Variants in ATP7A observed in about 807,000 individuals in gnomAD.
ATP7A encodes the protein copper-transporting ATPase 1.
In ATP7A, 7 loss-of-function variants were observed where a neutral mutation model predicts 83.5. The ratio of observed to expected loss-of-function variants is 0.08; its 90% CI spans 0.05 to 0.16. The LOEUF (loss-of-function observed/expected upper bound fraction) is 0.16. Ranked by LOEUF, ATP7A falls within the 10% of genes least tolerant of loss-of-function variation. The probability of loss-of-function intolerance (pLI) is 1.00; values close to 1 mark genes in which losing one functional copy is unlikely to be tolerated. For missense variants in ATP7A, 940 were observed against 1,120.8 expected, an observed-to-expected ratio of 0.84 and a Z score of 2.30; for synonymous variants, 354 against 395.2, an observed-to-expected ratio of 0.90 and a Z score of 1.24.
At position 78,002,144 on chromosome X, in the gene ATP7A, A is replaced by T. The variant is rs182434370; in HGVS notation, c.1544-929A>T. Among the ~76,000 whole-genome samples, 371 of 108,468 alleles carry T rather than the reference A, an allele frequency of 3.4e-3. 1 individual carries two copies. Among genetic ancestry groups the T allele is most frequent in the African/African-American group, 0.012 (350 of 29,794 alleles). The allele number at this position is 108,468 out of a possible 115,157, so 94.2% of individuals were successfully genotyped here. A position where few individuals can be genotyped will look rare whatever the true frequency, so the allele number is the denominator to read the frequency against. ...CATTGCAGTGGCATGAACACTGCTT[A>T]CTGCAGCCTCCACCTCCCAGGGTCA... On this transcript the variant is annotated intron_variant, in intron 5 of 22. Coordinates refer to ENST00000341514, the MANE Select transcript of ATP7A (RefSeq NM_000052.7).
chrX:77,927,812 T>C (rs1327284408), intron 1 of ATP7A, among the ~76,000 whole-genome samples: 1 of 110,696 alleles, frequency 9.0e-6, no homozygotes, highest in South Asian at 3.9e-4. Context: ...CGGTGTGTGA[T>C]GTTCCCCTTC....
At chrX:77,956,726 C>CCTTCCTTTCTTTCTTTCTTT (rs1557227392) in intron 1 of ATP7A, among the ~76,000 whole-genome samples, 5 of 73,779 alleles carry the variant, frequency 6.8e-5, no homozygotes, top group South Asian at 7.6e-4. Context: ...TACCCAGTCT[C>CCTTCCTTTCTTTCTTTCTTT]CTTTCTTTCT....
chrX:77,948,436 T>C (rs924393550), intron 1 of ATP7A, among the ~76,000 whole-genome samples: 1 of 112,124 alleles, frequency 8.9e-6, no homozygotes, highest in Non-Finnish European at 1.9e-5. Flanking sequence ...AAAAAGTCTT[T>C]TAAAAAAGTG....
At chrX:77,916,749 C>G (rs916063309) in intron 1 of ATP7A, among the ~76,000 whole-genome samples, 14 of 111,772 alleles carry the variant, frequency 1.3e-4, no homozygotes, top group African/African-American at 4.5e-4. Context: ...AGCATGTCAG[C>G]ACTTTGATTA....
chrX:77,931,619 C>A (rs868951836), intron 1 of ATP7A, among the ~76,000 whole-genome samples: 1 of 108,930 alleles, frequency 9.2e-6, no homozygotes, highest in Non-Finnish European at 1.9e-5. Flanking sequence ...ACCTCCCGGA[C>A]GGGGCGGCTG....
intron 16 of ATP7A, 121 bp from the exon 17 acceptor site, chrX:78,033,484 T>C (rs2077994863): frequency 3.0e-6 from 2 of 657,427 alleles, no homozygotes; most frequent in African/African-American, 4.4e-5. Flanking sequence ...CACTGTCAAG[T>C]AGGCAATATG....
At position 77,989,860 on chromosome X, in the gene ATP7A, C is replaced by G. The variant is rs2077659809; in HGVS notation, c.1238C>G (p.Ala413Gly). 2 of 1,210,158 alleles carry G rather than the reference C, an allele frequency of 1.7e-6. No individual in the cohort carries two copies. The highest frequency in any genetic ancestry group is 2.2e-6 in the Non-Finnish European group (2 of 894,381). ...GTAAAATCCATACGAGTCTCCCTTGCAAATAGCAATGGGACTGTTGAGTAT... is the reference window on the plus strand; with the variant it reads ...GTAAAATCCATACGAGTCTCCCTTGGAAATAGCAATGGGACTGTTGAGTAT... Reference protein sequence around the residue: ...PGVKSIRVSLANSNGTVEYDP... With the variant: ...PGVKSIRVSLGNSNGTVEYDP... The change falls in exon 4 of 23, where the codon GCA (alanine) becomes GGA (glycine). Residue 413 changes from alanine (A) to glycine (G), a missense_variant. Transcript: ENST00000341514.
intron 1 of ATP7A, among the ~76,000 whole-genome samples, chrX:77,939,889 C>T (rs1188130362): frequency 4.0e-5 from 4 of 100,118 alleles, no homozygotes; most frequent in African/African-American, 1.5e-4. Context: ...TTGGGGGGGA[C>T]CCCCCAAAAA....
rs1189381967 is a variant in ATP7A, at chrX:78,046,436, G to T, written c.4369G>T (p.Val1457Phe). The change falls in exon 23 of 23, where the codon GTT (valine) becomes TTT (phenylalanine). Residue 1457 changes from valine (V) to phenylalanine (F), a missense_variant. Val to Phe is a conservative substitution (Grantham distance 50). This residue lies in a region of ATP7A where 386 missense variants were observed against 502.2 expected (regional missense o/e 0.77). Coordinates refer to ENST00000341514, the MANE Select transcript of ATP7A (RefSeq NM_000052.7). ...SPKLGLLDRI[V>F]NYSRASINSL... is the part of the protein sequence containing the mutation. Reference sequence around the variant, plus strand: ...TAAACTGGGTTTGCTGGACCGGATTGTTAATTATAGCAGAGCCTCTATAAA... The same window carrying T: ...TAAACTGGGTTTGCTGGACCGGATTTTTAATTATAGCAGAGCCTCTATAAA... 19 of 1,209,553 alleles carry T rather than the reference G, an allele frequency of 1.6e-5. No individual in the cohort carries two copies. Among genetic ancestry groups the T allele is most frequent in the Non-Finnish European group, 2.0e-5 (18 of 895,131 alleles).
chrX:78,023,780 G>T (rs2077923698), intron 14 of ATP7A, among the ~76,000 whole-genome samples: 1 of 111,432 alleles, frequency 9.0e-6, no homozygotes, highest in Non-Finnish European at 1.9e-5. Context: ...TTCTTTTGTT[G>T]TGCAGAAGCT....
intron 2 of ATP7A, among the ~76,000 whole-genome samples, chrX:77,984,868 A>G (rs1369540724): frequency 1.8e-5 from 2 of 112,500 alleles, no homozygotes; most frequent in African/African-American, 6.5e-5. Flanking sequence ...AATAGAATTT[A>G]CTAAAGGAAG....
At chrX:77,950,645 A>G (rs1454440730) in intron 1 of ATP7A, among the ~76,000 whole-genome samples, 1 of 111,365 alleles carries the variant, frequency 9.0e-6, no homozygotes, top group Non-Finnish European at 1.9e-5. Flanking sequence ...CTTCATGTGT[A>G]TTGGCATTTT....
In ATP7A at chrX:78,043,010, TGAA is replaced by T. The variant is rs559515480; in HGVS notation, c.4005+231_4005+233del. Among the ~76,000 whole-genome samples, 8 of 112,196 alleles carry T rather than the reference TGAA, an allele frequency of 7.1e-5. No individual in the cohort carries two copies. The South Asian group carries it at 2.6e-3, about 36-fold the overall frequency. The stretch of plus-strand genomic sequence containing the variant: ...AAGTGAGAATTATAAGTTTCTGAAG[TGAA>T]GAAGAAGATTTAAGAATGGATTCGG... On this transcript the variant is annotated intron_variant, in intron 20 of 22. Coordinates refer to ENST00000341514, the MANE Select transcript of ATP7A (RefSeq NM_000052.7).
intron 17 of ATP7A, among the ~76,000 whole-genome samples, chrX:78,034,518 C>T (rs1557237528): frequency 9.0e-6 from 1 of 111,075 alleles, no homozygotes; most frequent in East Asian, 2.8e-4. Flanking sequence ...ACAGTCATGC[C>T]TCAGTTCATT....
In ATP7A at chrX:78,040,641, G is replaced by C. The variant is rs781901568; in HGVS notation, c.3709G>C (p.Glu1237Gln). The C allele has an allele frequency of 8.3e-7, 1 of 1,209,601 alleles. No homozygotes were observed. Among genetic ancestry groups the C allele is most frequent in the African/African-American group, 1.7e-5 (1 of 57,284 alleles). The change falls in exon 19 of 23, where the codon GAA becomes CAA. Residue 1237 changes from glutamate (E) to glutamine (Q), a missense_variant. Physicochemically the swap from Glu to Gln is conservative, Grantham distance 29 (BLOSUM62 2). This residue lies in a region of ATP7A where 386 missense variants were observed against 502.2 expected (regional missense o/e 0.77). Coordinates refer to ENST00000341514, the MANE Select transcript of ATP7A (RefSeq NM_000052.7). The part of the protein sequence containing the change: ...AIADTVKPEA[E>Q]LAIHILKSMG... ...TGCAGACACAGTGAAGCCTGAAGCA[G>C]AACTGGCTATCCATATTCTGAAATC...
chrX:77,993,508 A>G (rs782276906), intron 4 of ATP7A, among the ~76,000 whole-genome samples: 91 of 112,301 alleles, frequency 8.1e-4, no homozygotes, highest in Admixed American at 1.7e-3. Flanking sequence ...TCTAAATTAA[A>G]TCTACATTAA....
rs1374099672 is a variant in ATP7A at position 78,038,916 on chromosome X, G to A, written c.3592G>A (p.Asp1198Asn). The A allele has an allele frequency of 4.1e-5, 49 of 1,208,939 alleles. No homozygotes were observed. Among genetic ancestry groups the A allele is most frequent in the Non-Finnish European group, 4.8e-5 (43 of 894,116 alleles). Reference protein sequence around the residue: ...MIRNGLVINNDVNDFMTEHER... With the variant: ...MIRNGLVINNNVNDFMTEHER... ...TAGAAATGGTCTTGTCATTAATAAC[G>A]ATGTAAATGATTTCATGACTGAACA... Residue 1198 changes from aspartate (D) to asparagine (N), a missense_variant, in exon 18 of 23, where the codon GAT (aspartate) becomes AAT (asparagine). Physicochemically the swap from Asp to Asn is conservative, Grantham distance 23. Coordinates refer to ENST00000341514, the MANE Select transcript of ATP7A (RefSeq NM_000052.7).
At chrX:78,007,450 C>T (rs1036868426) in intron 6 of ATP7A, among the ~76,000 whole-genome samples, 3 of 111,340 alleles carry the variant, frequency 2.7e-5, no homozygotes, top group Non-Finnish European at 5.7e-5. Flanking sequence ...CTCAGCCTAC[C>T]GAGTAGCTGG....
chrX:77,968,861 T>C, intron 1 of ATP7A: 1 of 1,210,312 alleles, frequency 8.3e-7, no homozygotes, highest in South Asian at 1.8e-5. Context: ...GACAGTATCC[T>C]CCCCGCTGGC....
Sources: allele counts gnomAD v4.1 joint callset (sites outside exome capture counted in the v4.1 genomes callset), GRCh38; gene constraint gnomAD v4.1.1; regional missense constraint gnomAD v4.1.1; transcripts MANE v1.5; gene names NCBI Gene and HGNC (gene_info 2026-07-23, HGNC 2026-07-21).